CPEB4: variants seen among roughly 807,000 people sequenced by gnomAD.
CPEB4 encodes cytoplasmic polyadenylation element binding protein 4.
A neutral mutation model predicts 72.5 loss-of-function variants in CPEB4; 12 were observed. That is an observed-to-expected ratio of 0.17 (90% confidence interval 0.11 to 0.27). CPEB4 has a LOEUF of 0.27. CPEB4 is among the 10% of genes least tolerant of loss of function. The pLI is 1.00. For synonymous variants in CPEB4, 302 were observed against 326.3 expected (o/e 0.93, Z 0.80); for missense variants, 614 against 908.5 (o/e 0.68, Z 4.17).
Position 173,892,584 on chromosome 5 carries a change from T to A in CPEB4, c.1125+1726T>A, listed in dbSNP as rs1404859374. ...GGCTCAGAACTAAATACACCTTTTT[T>A]TCTTATTTTGCTACTATATGCTGAC... On this transcript the variant is annotated intron_variant, in intron 1 of 9. Transcript: ENST00000265085. 2.6e-5 allele frequency among the ~76,000 whole-genome samples: 4 copies of A among 152,246 alleles called. No homozygotes were observed. In the East Asian group the frequency reaches 7.7e-4, roughly 29 times the overall value.
chr5:173,921,889 G>A (rs1176048572), intron 2 of CPEB4, among the ~76,000 whole-genome samples: 1 of 152,184 alleles, frequency 6.6e-6, no homozygotes, highest in Non-Finnish European at 1.5e-5. Flanking sequence ...GTGAAAGGGT[G>A]CTTACCTCTG....
intron 2 of CPEB4, among the ~76,000 whole-genome samples, chr5:173,923,248 T>C (rs1281861254): frequency 1.3e-5 from 2 of 152,230 alleles, no homozygotes; most frequent in African/African-American, 2.4e-5. Context: ...GTAAACAGTT[T>C]TAATGCAACT....
Position 173,960,677 on chromosome 5 carries a change from A to G in CPEB4, c.*4540A>G, listed in dbSNP as rs1361778450. The G allele has an allele frequency of 6.6e-6, 1 of 152,218 alleles. No individual in the cohort carries two copies. The highest frequency in any genetic ancestry group is 1.5e-5 in the Non-Finnish European group (1 of 68,044). The allele number at this position is 152,218 out of a possible 1,614,324, so 9.4% of individuals were successfully genotyped here. A position where few individuals can be genotyped will look rare whatever the true frequency, so the allele number is the denominator to read the frequency against. On this transcript the variant is annotated 3_prime_UTR_variant, in exon 10 of 10. Coordinates refer to ENST00000265085, the MANE Select transcript of CPEB4 (RefSeq NM_030627.4). The stretch of plus-strand genomic sequence containing the variant: ...AACCCAATGTTTAGTTAATAATGAA[A>G]GTCCGTATCTGGGAGGTTCAGTTTT...
At chr5:173,931,116 G>T (rs1757432432) in intron 2 of CPEB4, among the ~76,000 whole-genome samples, 1 of 152,160 alleles carries the variant, frequency 6.6e-6, no homozygotes, top group South Asian at 2.1e-4. Flanking sequence ...TTCATGCCAT[G>T]AGTTCATTAC....
chr5:173,893,816 A>C (rs142787386), intron 1 of CPEB4, among the ~76,000 whole-genome samples: 3 of 152,252 alleles, frequency 2.0e-5, no homozygotes, highest in South Asian at 2.1e-4. Flanking sequence ...GTTTGGGTAC[A>C]TATAATGAAT....
At chr5:173,915,130 A>G (rs1756818677) in intron 2 of CPEB4, among the ~76,000 whole-genome samples, 1 of 152,172 alleles carries the variant, frequency 6.6e-6, no homozygotes, top group Admixed American at 6.5e-5. Flanking sequence ...CGGTTAAAAA[A>G]CTTTATTTTT....
chr5:173,901,370 C>T (rs937443382), intron 1 of CPEB4, among the ~76,000 whole-genome samples: 1 of 152,144 alleles, frequency 6.6e-6, no homozygotes, highest in African/African-American at 2.4e-5. Flanking sequence ...TAGACTCTAC[C>T]TTCATTACAG....
chr5:173,916,177 A>T (rs1452993050), intron 2 of CPEB4, among the ~76,000 whole-genome samples: 2 of 152,244 alleles, frequency 1.3e-5, no homozygotes, highest in Non-Finnish European at 2.9e-5. Context: ...TGTTCTTCAG[A>T]TATGAAATTA....
At chr5:173,895,871 C>T (rs1445114584) in intron 1 of CPEB4, among the ~76,000 whole-genome samples, 1 of 152,084 alleles carries the variant, frequency 6.6e-6, no homozygotes, top group African/African-American at 2.4e-5. Context: ...TTCAGAGAAG[C>T]CATGGAATAT....
intron 3 of CPEB4, among the ~76,000 whole-genome samples, chr5:173,937,440 A>C (rs1455712282): frequency 6.6e-6 from 1 of 152,158 alleles, no homozygotes; most frequent in Non-Finnish European, 1.5e-5. Flanking sequence ...TAATTTACTC[A>C]AGAGAAATGT....
At chr5:173,893,534 T>G (rs1377626549) in intron 1 of CPEB4, among the ~76,000 whole-genome samples, 1 of 152,068 alleles carries the variant, frequency 6.6e-6, no homozygotes, top group African/African-American at 2.4e-5. Context: ...TTAATTACTA[T>G]TAAAATAATT....
At chr5:173,907,498 C>T (rs2113164582) in intron 1 of CPEB4, among the ~76,000 whole-genome samples, 1 of 152,284 alleles carries the variant, frequency 6.6e-6, no homozygotes, top group East Asian at 1.9e-4. Context: ...CTGTTAGTTG[C>T]ATGAAAAACA....
At chr5:173,915,914 C>T (rs1020143700) in intron 2 of CPEB4, among the ~76,000 whole-genome samples, 15 of 152,026 alleles carry the variant, frequency 9.9e-5, no homozygotes, top group African/African-American at 3.6e-4. Flanking sequence ...TATAGAGAGA[C>T]CTCTGAAAAT....
chr5:173,946,957 T>A (rs1011166340), intron 5 of CPEB4, among the ~76,000 whole-genome samples: 4 of 151,954 alleles, frequency 2.6e-5, no homozygotes, highest in African/African-American at 9.7e-5. Flanking sequence ...GTTAACCTTT[T>A]TCCCCCCCAA....
Position 173,953,075 on chromosome 5 carries a change from T to G in CPEB4, c.1781-16T>G. 6.3e-7 allele frequency: 1 copy of G among 1,583,122 alleles called. No individual in the cohort carries two copies. Among genetic ancestry groups the G allele is most frequent in the South Asian group, 1.1e-5 (1 of 87,756 alleles). On this transcript the variant is annotated splice_polypyrimidine_tract_variant and intron_variant, in intron 8 of 9. Coordinates refer to ENST00000265085, the MANE Select transcript of CPEB4 (RefSeq NM_030627.4). ...TTCCTGATTTTAAATATCCTCCTTGTTCCTTTCTTAATTAGTGGAGCTTGC... is the reference window on the plus strand; with the variant it reads ...TTCCTGATTTTAAATATCCTCCTTGGTCCTTTCTTAATTAGTGGAGCTTGC...
rs571955319 is a variant in CPEB4 at position 173,918,063 on chromosome 5, C to A, written c.1207+7459C>A. On this transcript the variant is annotated intron_variant, in intron 2 of 9. Transcript: ENST00000265085. ...TCAAAGCCTCATAAGTAATGGAGGA[C>A]GTTAAATAGCAAAGAGTATAATTTA... Among the ~76,000 whole-genome samples, 3 of 152,244 alleles carry A rather than the reference C, an allele frequency of 2.0e-5. No homozygotes were observed. The East Asian group carries it at 5.8e-4, about 29-fold the overall frequency.
chr5:173,930,344 C>T (rs1032548452), intron 2 of CPEB4, among the ~76,000 whole-genome samples: 4 of 152,184 alleles, frequency 2.6e-5, no homozygotes, highest in Non-Finnish European at 5.9e-5. Context: ...GCATGAGCCA[C>T]CGCACTTGGC....
intron 1 of CPEB4, among the ~76,000 whole-genome samples, chr5:173,899,093 T>C (rs1354912973): frequency 1.3e-5 from 2 of 152,220 alleles, no homozygotes; most frequent in East Asian, 3.8e-4. Context: ...GGTGATATTT[T>C]TTTTCTCTCT....
At chr5:173,941,219 T>C (rs1035533414) in intron 3 of CPEB4, among the ~76,000 whole-genome samples, 6 of 152,208 alleles carry the variant, frequency 3.9e-5, no homozygotes, top group African/African-American at 1.4e-4. Context: ...GAAGCAGTTG[T>C]ATGAATAGAA....
Sources: gnomAD v4.1 joint callset for allele counts (sites outside exome capture counted in the v4.1 genomes callset) on GRCh38, gnomAD v4.1.1 for gene constraint, MANE v1.5 for transcripts, NCBI Gene and HGNC (gene_info 2026-07-23, HGNC 2026-07-21) for gene names.